USP19: variants seen among roughly 807,000 people sequenced by gnomAD.
USP19 encodes the protein ubiquitin specific peptidase 19.
A neutral mutation model predicts 144.8 loss-of-function variants in USP19; 40 were observed. The observed-to-expected ratio is 0.28, with a 90% CI of 0.21 to 0.36. The LOEUF is 0.36. Among genes scored for constraint, USP19 ranks in the 10% least tolerant of loss-of-function variants. The probability of loss-of-function intolerance (pLI) is 1.00; values close to 1 mark genes in which losing one functional copy is unlikely to be tolerated. For missense variants in USP19, 1,518 were observed against 1,822.5 expected, an observed-to-expected ratio of 0.83 and a Z score of 3.04; for synonymous variants, 701 against 709.3, an observed-to-expected ratio of 0.99 and a Z score of 0.19.
At chr3:49,118,875 T>C (rs749520791) in intron 2 of USP19, 147 bp downstream of exon 2, 47 of 1,249,634 alleles carry the variant, frequency 3.8e-5, no homozygotes, top group Non-Finnish European at 5.0e-5. Context: ...GCTGAGGCTC[T>C]ACTGAGGTTA....
At position 49,111,039 on chromosome 3, in the gene USP19, G is replaced by A. The variant is rs201135198; in HGVS notation, c.3456C>T (p.Ala1152=). The A allele has an allele frequency of 1.2e-5, 19 of 1,614,024 alleles. No homozygotes were observed. Among genetic ancestry groups the A allele is most frequent in the African/African-American group, 6.7e-5 (5 of 75,042 alleles). ...ELECAEDPGS[A]GEAARAGHFT... ...AGTGGCCGGCCCGGGCAGCCTCACCGGCAGAGCCTGGATCCTCAGCACATT... is the reference window on the plus strand; with the variant it reads ...AGTGGCCGGCCCGGGCAGCCTCACCAGCAGAGCCTGGATCCTCAGCACATT... Residue 1152 remains alanine, a synonymous_variant, in exon 23 of 27, where the codon GCC becomes GCT. Transcript: ENST00000417901. The surrounding 1 kb of genome is among the most constrained non-coding windows in gnomAD (Gnocchi z 5.9).
In USP19 at chr3:49,108,920, C is replaced by A; in HGVS notation, c.4039-392G>T. 6.3e-7 allele frequency: 1 copy of A among 1,576,380 alleles called. No homozygotes were observed. Among genetic ancestry groups the A allele is most frequent in the Admixed American group, 1.8e-5 (1 of 55,994 alleles). On this transcript the variant is annotated intron_variant, in intron 26 of 26. Transcript: ENST00000417901. This position sits in a 1 kb window ranked among gnomAD's most constrained non-coding sequence, Gnocchi z 4.8. ...AAAGGCAGGCATGGCCTGGGGCAGG[C>A]AGGTAGGCCAGCTCACAGCAGCTGC...
chr3:49,111,162 G>A lies in USP19; in HGVS notation c.3333C>T (p.Asp1111=). 6.2e-7 allele frequency: 1 copy of A among 1,613,904 alleles called. No homozygotes were observed. Among genetic ancestry groups the A allele is most frequent in the Middle Eastern group, 1.6e-4 (1 of 6,062 alleles). Residue 1111 remains aspartate, a synonymous_variant, in exon 23 of 27, where the codon GAC becomes GAT. Transcript: ENST00000417901. The surrounding 1 kb of genome is among the most constrained non-coding windows in gnomAD (Gnocchi z 5.9). ...AGTCGTCACCCAGCTCCAGTGGGGT[G>A]TCTCCTGGAGATTCGCAGGGAGAGA... is the stretch of plus-strand genomic sequence containing the variant. ...NREQRLEDKG[D]TPLELGDDCS...
In USP19 at chr3:49,115,463, T is replaced by C. The variant is rs376818851; in HGVS notation, c.1869A>G (p.Glu623=). The change falls in exon 12 of 27, where the codon GAA becomes GAG. Residue 623 remains glutamate, a synonymous_variant. Transcript: ENST00000417901. The surrounding 1 kb of genome is among the most constrained non-coding windows in gnomAD (Gnocchi z 6.6). Reference sequence around the variant, plus strand: ...CCTCACCATGGAAGAAGTCCCGGAGTTCCCGAGTGTTGGACAGAGACTGAA... The same window carrying C: ...CCTCACCATGGAAGAAGTCCCGGAGCTCCCGAGTGTTGGACAGAGACTGAA... ...SVIQSLSNTR[E]LRDFFHDRSF... 6.1e-4 allele frequency: 980 copies of C among 1,613,854 alleles called. 2 individuals are homozygous for C. Among genetic ancestry groups the C allele is most frequent in the Non-Finnish European group, 5.0e-4 (595 of 1,179,898 alleles).
Position 49,116,921 on chromosome 3 carries a change from C to A in USP19, c.932G>T (p.Cys311Phe), listed in dbSNP as rs2044240954. The A allele has an allele frequency of 6.2e-7, 1 of 1,613,792 alleles. No individual in the cohort carries two copies. Among genetic ancestry groups the A allele is most frequent in the African/African-American group, 1.3e-5 (1 of 74,926 alleles). Residue 311 changes from cysteine to phenylalanine, a missense_variant, in exon 7 of 27, where the codon TGC (cysteine) becomes TTC (phenylalanine). Cys to Phe is a radical substitution (Grantham distance 205). Around this residue, in one of 5 missense-constraint regions of USP19, gnomAD observed 707 missense variants for 728.9 expected, o/e 0.97. Transcript: ENST00000417901. This position sits in a 1 kb window ranked among gnomAD's most constrained non-coding sequence, Gnocchi z 5.0. ...GGTTTGGGAGTTCAGCGGTGGTATG[C>A]AAAGCTGTTCATCAGCCTCAACCTA... ...ATQVEADEQL[C>F]IPPLNSQTCL... is the part of the protein sequence containing the mutation.
Position 49,116,243 on chromosome 3 carries a change from T to C in USP19, c.1355+37A>G. On this transcript the variant is annotated intron_variant, in intron 9 of 26. Coordinates refer to ENST00000417901, the MANE Select transcript of USP19 (RefSeq NM_001199161.2). The surrounding 1 kb of genome is among the most constrained non-coding windows in gnomAD (Gnocchi z 5.0). ...AGCCAGGGAGATGGAGCCCACGGGG[T>C]AGGACAGGCACAGTGGTGGGGCCGG... The C allele has an allele frequency of 1.2e-6, 2 of 1,613,540 alleles. No homozygotes were observed. The highest frequency in any genetic ancestry group is 1.7e-6 in the Non-Finnish European group (2 of 1,179,840).
At position 49,117,008 on chromosome 3, in the gene USP19, C is replaced by T; in HGVS notation, c.909+51G>A. 1 of 1,554,474 alleles carries T rather than the reference C, an allele frequency of 6.4e-7. No individual in the cohort carries two copies. Among genetic ancestry groups the T allele is most frequent in the Non-Finnish European group, 8.7e-7 (1 of 1,147,630 alleles). ...CTGCCAGGTGGCTCCCACTCCAGTGCACACCCTTTCCCCCCATCTCCTAAC... is the reference window on the plus strand; with the variant it reads ...CTGCCAGGTGGCTCCCACTCCAGTGTACACCCTTTCCCCCCATCTCCTAAC... On this transcript the variant is annotated intron_variant, in intron 6 of 26. Transcript: ENST00000417901. This position sits in a 1 kb window ranked among gnomAD's most constrained non-coding sequence, Gnocchi z 4.4.
Position 49,110,270 on chromosome 3 carries a change from T to C in USP19, c.3952A>G (p.Asn1318Asp). 6.2e-7 allele frequency: 1 copy of C among 1,605,934 alleles called. No individual in the cohort carries two copies. The highest frequency in any genetic ancestry group is 8.5e-7 in the Non-Finnish European group (1 of 1,174,700). The change falls in exon 26 of 27, where the codon AAC becomes GAC. Residue 1318 changes from asparagine to aspartate, a missense_variant. Physicochemically the swap from Asn to Asp is conservative, Grantham distance 23 (BLOSUM62 1). Around this residue, in one of 5 missense-constraint regions of USP19, gnomAD observed 118 missense variants for 100.2 expected, o/e 1.18. Coordinates refer to ENST00000417901, the MANE Select transcript of USP19 (RefSeq NM_001199161.2). This position sits in a 1 kb window ranked among gnomAD's most constrained non-coding sequence, Gnocchi z 6.1. ...YAYVLFYRRR[N>D]SPVERPPRAG... is the part of the protein sequence containing the mutation. ...CTGGGGGGCCTCTCCACAGGAGAGT[T>C]CCGCCGGCGGTAGAAGAGTACATAG...
rs1210609421 is a variant in USP19 at position 49,111,734 on chromosome 3, G to C, written c.2983C>G (p.Leu995Val). 1.3e-6 allele frequency: 2 copies of C among 1,568,288 alleles called. No homozygotes were observed. The highest frequency in any genetic ancestry group is 1.7e-6 in the Non-Finnish European group (2 of 1,156,508). ...GCCTCCAGGGAACCTGTGGAGAGCAGTGTGGTGCAGCCAGGGCTCTGAGAC... is the reference window on the plus strand; with the variant it reads ...GCCTCCAGGGAACCTGTGGAGAGCACTGTGGTGCAGCCAGGGCTCTGAGAC... ...LESQSPGCTTLLSTGSLEAGD... is the reference protein window; with the variant it reads ...LESQSPGCTTVLSTGSLEAGD... Residue 995 changes from leucine (L) to valine (V), a missense_variant, in exon 21 of 27, where the codon CTG becomes GTG. By Grantham distance (32) the Leu-to-Val change is conservative. This residue lies in a region of USP19 where 413 missense variants were observed against 515.8 expected (regional missense o/e 0.80). Transcript: ENST00000417901. This position sits in a 1 kb window ranked among gnomAD's most constrained non-coding sequence, Gnocchi z 5.9.
In USP19 at chr3:49,110,642, C is replaced by G; in HGVS notation, c.3699-38G>C. 6.2e-7 allele frequency: 1 copy of G among 1,611,608 alleles called. No individual in the cohort carries two copies. Among genetic ancestry groups the G allele is most frequent in the Non-Finnish European group, 8.5e-7 (1 of 1,178,472 alleles). On this transcript the variant is annotated intron_variant, in intron 24 of 26. Coordinates refer to ENST00000417901, the MANE Select transcript of USP19 (RefSeq NM_001199161.2). The surrounding 1 kb of genome is among the most constrained non-coding windows in gnomAD (Gnocchi z 6.1). Reference sequence around the variant, plus strand: ...TCCAGTCAGGGAGGGGTGAGACAGGCAACAGGCGCTCAGGATGCCCATCCT... The same window carrying G: ...TCCAGTCAGGGAGGGGTGAGACAGGGAACAGGCGCTCAGGATGCCCATCCT...
At position 49,114,684 on chromosome 3, in the gene USP19, T is replaced by C. The variant is rs1560016667; in HGVS notation, c.2292+79A>G. 3.4e-6 allele frequency: 5 copies of C among 1,481,210 alleles called. No homozygotes were observed. Among genetic ancestry groups the C allele is most frequent in the Admixed American group, 3.5e-5 (2 of 56,728 alleles). 91.8% of individuals were successfully genotyped at this position (1,481,210 alleles called of 1,614,324 possible). A position where few individuals can be genotyped will look rare whatever the true frequency, so the allele number is the denominator to read the frequency against. On this transcript the variant is annotated intron_variant, in intron 15 of 26. Coordinates refer to ENST00000417901, the MANE Select transcript of USP19 (RefSeq NM_001199161.2). This position sits in a 1 kb window ranked among gnomAD's most constrained non-coding sequence, Gnocchi z 4.5. ...AACCTTGCCCTGTAGCACCTTAAGA[T>C]GCACATGCCTCTGAACCTAATGTGA...
chr3:49,118,020 G>A lies in USP19; in HGVS notation c.225C>T (p.Arg75=). The A allele has an allele frequency of 1.9e-6, 3 of 1,603,200 alleles. No homozygotes were observed. Among genetic ancestry groups the A allele is most frequent in the South Asian group, 2.2e-5 (2 of 89,256 alleles). The part of the protein sequence containing the change: ...ASHAAGITGS[R]HRTRLFFPSS... ...AAGGAAAGAACAGCCGGGTACGGTG[G>A]CGTGAGCCTGTGATCCCAGCTGCAT... Residue 75 remains arginine (R), a synonymous_variant, in exon 3 of 27, where the codon CGC becomes CGT. Coordinates refer to ENST00000417901, the MANE Select transcript of USP19 (RefSeq NM_001199161.2).
chr3:49,119,515 C>T (rs2044783581), intron 1 of USP19, among the ~76,000 whole-genome samples: 3 of 152,224 alleles, frequency 2.0e-5, no homozygotes, highest in African/African-American at 7.2e-5. Flanking sequence ...CAGGTGAAAG[C>T]CTCACTGAGG....
At position 49,115,609 on chromosome 3, in the gene USP19, G is replaced by A. The variant is rs1331735216; in HGVS notation, c.1723C>T (p.Pro575Ser). The A allele has an allele frequency of 6.2e-7, 1 of 1,609,350 alleles. No individual in the cohort carries two copies. The highest frequency in any genetic ancestry group is 1.7e-5 in the Admixed American group (1 of 58,786). Residue 575 changes from proline to serine, a missense_variant, in exon 12 of 27, where the codon CCC becomes TCC. Transcript: ENST00000417901. This position sits in a 1 kb window ranked among gnomAD's most constrained non-coding sequence, Gnocchi z 6.6. ...PKPTCMVPPMPHSPVSGDSVE... is the reference protein window; with the variant it reads ...PKPTCMVPPMSHSPVSGDSVE... Reference sequence around the variant, plus strand: ...CTGTCTCCACTAACTGGGCTGTGGGGCATGGGAGGCACCATGCATGTAGGC... The same window carrying A: ...CTGTCTCCACTAACTGGGCTGTGGGACATGGGAGGCACCATGCATGTAGGC...
intron 26 of USP19, chr3:49,109,284 G>T: frequency 7.3e-7 from 1 of 1,364,442 alleles, no homozygotes; most frequent in East Asian, 2.6e-5. Context: ...GGTGACTGGG[G>T]CTAACACCCT....
At chr3:49,109,698 A>G (rs1184111380) in intron 26 of USP19, among the ~76,000 whole-genome samples, 1 of 152,204 alleles carries the variant, frequency 6.6e-6, no homozygotes, top group African/African-American at 2.4e-5. Flanking sequence ...CCATGTCACT[A>G]AAGAGAAGAT....
chr3:49,117,152 C>A lies in USP19; in HGVS notation c.816G>T (p.Val272=). Residue 272 remains valine (V), a synonymous_variant, in exon 6 of 27, where the codon GTG becomes GTT. Transcript: ENST00000417901. The surrounding 1 kb of genome is among the most constrained non-coding windows in gnomAD (Gnocchi z 4.4). ...CCCCCTCTGGCCCTCTGCAGAGATG[C>A]ACAGCCCTCTTGGCGCTGGGCCCTG... ...AQAGPSAKRA[V]HLCRGPEGDG... 6.5e-7 allele frequency: 1 copy of A among 1,548,780 alleles called. No individual in the cohort carries two copies. Among genetic ancestry groups the A allele is most frequent in the Non-Finnish European group, 8.7e-7 (1 of 1,146,752 alleles).
At position 49,112,435 on chromosome 3, in the gene USP19, G is replaced by A. The variant is rs758015646; in HGVS notation, c.2647-33C>T. The A allele has an allele frequency of 2.5e-6, 4 of 1,613,946 alleles. No individual in the cohort carries two copies. Among genetic ancestry groups the A allele is most frequent in the Non-Finnish European group, 2.5e-6 (3 of 1,179,908 alleles). On this transcript the variant is annotated intron_variant, in intron 18 of 26. Coordinates refer to ENST00000417901, the MANE Select transcript of USP19 (RefSeq NM_001199161.2). The surrounding 1 kb of genome is among the most constrained non-coding windows in gnomAD (Gnocchi z 4.9). ...GGGTCGTCTGGCTCAGCAAGACCAG[G>A]AAGAAGTGCCCCACCCACCAGGGCG...
In USP19 at chr3:49,118,072, G is replaced by A. The variant is rs1414836558; in HGVS notation, c.173C>T (p.Ser58Leu). The A allele has an allele frequency of 6.4e-7, 1 of 1,571,566 alleles. No individual in the cohort carries two copies. The highest frequency in any genetic ancestry group is 8.6e-7 in the Non-Finnish European group (1 of 1,159,384). Reference sequence around the variant, plus strand: ...GGAGGCTGAGGCAGAAGGATCACCTGAGGCCAGAGGTTCAAGACCAGCCTG... The same window carrying A: ...GGAGGCTGAGGCAGAAGGATCACCTAAGGCCAGAGGTTCAAGACCAGCCTG... ...VAQAGLEPLASGDPSASASHA... is the reference protein window; with the variant it reads ...VAQAGLEPLALGDPSASASHA... Residue 58 changes from serine to leucine, a missense_variant, in exon 3 of 27, where the codon TCA becomes TTA. By Grantham distance (145) the Ser-to-Leu change is moderately radical. Transcript: ENST00000417901.
Sources: gnomAD v4.1 joint callset for allele counts (sites outside exome capture counted in the v4.1 genomes callset) on GRCh38, gnomAD v4.1.1 for gene constraint, gnomAD v4.1.1 regional missense constraint, Gnocchi (gnomAD v3.1) non-coding constraint, MANE v1.5 for transcripts, NCBI Gene and HGNC (gene_info 2026-07-23, HGNC 2026-07-21) for gene names.